The following ZFYVE16 variants were observed in gnomAD, a reference collection of about 807,000 sequenced individuals.
The protein encoded by ZFYVE16 is zinc finger FYVE domain-containing protein 16.
Under a neutral mutation model 138.1 loss-of-function variants are expected in ZFYVE16, and 89 were observed. The observed-to-expected ratio is 0.64, with a 90% CI of 0.54 to 0.77. The LOEUF is 0.77. ZFYVE16 is among the 30% of genes least tolerant of loss of function. ZFYVE16 has a pLI of 0.00. For synonymous variants in ZFYVE16, 596 were observed against 618.3 expected (o/e 0.96, Z 0.53); for missense variants, 1,793 against 1,786.7 (o/e 1.00, Z -0.06).
chr5:80,437,453 T>G lies in ZFYVE16; in HGVS notation c.768T>G (p.Phe256Leu). ...TGACTCGACAAAGTTCCAAAATGTT[T>G]CATGCCAAAGACAAGCTACAACACA... ...SALTRQSSKM[F>L]HAKDKLQHKS... The change falls in exon 4 of 19, where the codon TTT becomes TTG. Residue 256 changes from phenylalanine (F) to leucine (L), a missense_variant. Physicochemically the swap from Phe to Leu is conservative, Grantham distance 22. Transcript: ENST00000505560. 6.2e-7 allele frequency: 1 copy of G among 1,602,676 alleles called. No homozygotes were observed. The highest frequency in any genetic ancestry group is 8.5e-7 in the Non-Finnish European group (1 of 1,175,090).
chr5:80,415,589 T>C (rs1746086566), intron 1 of ZFYVE16, among the ~76,000 whole-genome samples: 1 of 152,182 alleles, frequency 6.6e-6, no homozygotes, highest in African/African-American at 2.4e-5. Flanking sequence ...GTTATTATAT[T>C]GGGGTAATGT....
intron 1 of ZFYVE16, among the ~76,000 whole-genome samples, chr5:80,423,067 G>C (rs1310248028): frequency 6.6e-6 from 1 of 152,078 alleles, no homozygotes; most frequent in East Asian, 1.9e-4. Context: ...TCCCTCTGCT[G>C]CTTTTTTCTG....
intron 10 of ZFYVE16, among the ~76,000 whole-genome samples, chr5:80,451,008 C>T (rs1047170599): frequency 2.6e-5 from 4 of 152,052 alleles, no homozygotes; most frequent in Non-Finnish European, 2.9e-5. Context: ...GGCAAGGTTT[C>T]ACCATGCTGG....
chr5:80,422,815 A>G (rs1289251746), intron 1 of ZFYVE16, among the ~76,000 whole-genome samples: 1 of 152,156 alleles, frequency 6.6e-6, no homozygotes, highest in Non-Finnish European at 1.5e-5. Flanking sequence ...GTTTGTTAAT[A>G]TGGTAGATTA....
At chr5:80,421,377 A>G (rs910367808) in intron 1 of ZFYVE16, among the ~76,000 whole-genome samples, 9 of 152,266 alleles carry the variant, frequency 5.9e-5, no homozygotes, top group African/African-American at 1.9e-4. Context: ...GCCCATGCCT[A>G]TGTCCTGAAT....
intron 1 of ZFYVE16, among the ~76,000 whole-genome samples, chr5:80,414,673 A>T (rs1745944173): frequency 6.6e-6 from 1 of 152,234 alleles, no homozygotes; most frequent in Non-Finnish European, 1.5e-5. Context: ...ATATAGGTGA[A>T]CAAAAATACA....
chr5:80,411,289 G>A (rs1294835827), intron 1 of ZFYVE16, among the ~76,000 whole-genome samples: 6 of 151,228 alleles, frequency 4.0e-5, no homozygotes, highest in Non-Finnish European at 8.8e-5. Flanking sequence ...CCAAGTATAT[G>A]CTTATAAAAA....
rs545495097 is a variant in ZFYVE16, at chr5:80,413,330, G to A, written c.-94+5177G>A. ...CTACTAAAAATACAAAATTAGCCAGGCATGGTGGCGCATGCCTGTAATCCC... is the reference window on the plus strand; with the variant it reads ...CTACTAAAAATACAAAATTAGCCAGACATGGTGGCGCATGCCTGTAATCCC... On this transcript the variant is annotated intron_variant, in intron 1 of 18. Coordinates refer to ENST00000505560, the MANE Select transcript of ZFYVE16 (RefSeq NM_001284236.3). 9.2e-5 allele frequency among the ~76,000 whole-genome samples: 14 copies of A among 152,046 alleles called. No homozygotes were observed. In the South Asian group the frequency reaches 2.5e-3, roughly 27 times the overall value.
intron 1 of ZFYVE16, among the ~76,000 whole-genome samples, chr5:80,427,047 T>TC (rs1162778400): frequency 6.6e-6 from 1 of 152,104 alleles, no homozygotes; most frequent in East Asian, 1.9e-4. Flanking sequence ...AAATGTCTTT[T>TC]TTTTTTTTTC....
chr5:80,444,895 G>A (rs1330599408), intron 6 of ZFYVE16, among the ~76,000 whole-genome samples: 1 of 151,874 alleles, frequency 6.6e-6, no homozygotes, highest in Non-Finnish European at 1.5e-5. Flanking sequence ...CAATAATACA[G>A]GCTTTAAATC....
chr5:80,480,849 G>A lies in ZFYVE16; in HGVS notation c.*3472G>A, dbSNP rs1036621502. 1.3e-5 allele frequency among the ~76,000 whole-genome samples: 2 copies of A among 152,070 alleles called. No individual in the cohort carries two copies. Among genetic ancestry groups the A allele is most frequent in the African/African-American group, 4.8e-5 (2 of 41,384 alleles). On this transcript the variant is annotated 3_prime_UTR_variant, in exon 19 of 19. Coordinates refer to ENST00000505560, the MANE Select transcript of ZFYVE16 (RefSeq NM_001284236.3). ...GTGGGAGGATCACTTGAGCCCAGGA[G>A]GTTAAGGCTCCAGTGAGCTGTGATC...
chr5:80,441,420 G>A (rs944141051), intron 5 of ZFYVE16: 2 of 985,172 alleles, frequency 2.0e-6, no homozygotes, highest in Admixed American at 6.2e-5. Context: ...CTATTTTGAT[G>A]TCTTATAGCA....
At chr5:80,419,810 T>C (rs988464671) in intron 1 of ZFYVE16, among the ~76,000 whole-genome samples, 15 of 111,344 alleles carry the variant, frequency 1.3e-4, no homozygotes, top group African/African-American at 4.2e-4. Flanking sequence ...TGGTTTTTTT[T>C]TGTTTTGTTT....
intron 5 of ZFYVE16, among the ~76,000 whole-genome samples, chr5:80,442,146 C>G (rs1750777673): frequency 6.6e-6 from 1 of 152,084 alleles, no homozygotes; most frequent in Non-Finnish European, 1.5e-5. Flanking sequence ...CTCTGTCACT[C>G]AAGTTGGAGT....
rs775803189 is a variant in ZFYVE16, at chr5:80,438,648, C to T, written c.1963C>T (p.Leu655Phe). 9 of 1,613,860 alleles carry T rather than the reference C, an allele frequency of 5.6e-6. 1 individual carries two copies. The South Asian group carries it at 8.8e-5, about 16-fold the overall frequency. The change falls in exon 4 of 19, where the codon CTT (leucine) becomes TTT (phenylalanine). Residue 655 changes from leucine (L) to phenylalanine (F), a missense_variant. Physicochemically the swap from Leu to Phe is conservative, Grantham distance 22. Transcript: ENST00000505560. ...GGARPKQLFS[L>F]PSRTRSSKDL... ...GGCCAGACCTAAGCAATTGTTTAGC[C>T]TTCCATCAAGAACAAGGAGTTCAAA...
rs996733548 is a variant in ZFYVE16 at position 80,445,481 on chromosome 5, A to G, written c.2724+76A>G. On this transcript the variant is annotated intron_variant, in intron 7 of 18. Coordinates refer to ENST00000505560, the MANE Select transcript of ZFYVE16 (RefSeq NM_001284236.3). ...AGATAATTCCTGGTGTGATTATTAG[A>G]GTGCTTTTTTTTTTTTTTAACACTT... 157 of 1,269,262 alleles carry G rather than the reference A, an allele frequency of 1.2e-4. 2 individuals carry two copies. In the Middle Eastern group the frequency reaches 1.8e-3, roughly 15 times the overall value. The allele number at this position is 1,269,262 out of a possible 1,614,324, so 78.6% of individuals were successfully genotyped here. A position where few individuals can be genotyped will look rare whatever the true frequency, so the allele number is the denominator to read the frequency against.
chr5:80,461,793 A>T (rs1232951768), intron 15 of ZFYVE16, among the ~76,000 whole-genome samples: 1 of 152,136 alleles, frequency 6.6e-6, no homozygotes, highest in African/African-American at 2.4e-5. Flanking sequence ...CAACATGGTG[A>T]AACCTCATCT....
In ZFYVE16 at chr5:80,477,504, C is replaced by T. The variant is rs116911270; in HGVS notation, c.*127C>T. ...ATTTTTGAAACACATAAGCTTTGCT[C>T]TTTAGGCAGGAATGATCTTTTCAAA... On this transcript the variant is annotated 3_prime_UTR_variant, in exon 19 of 19. Transcript: ENST00000505560. 1,265 of 822,268 alleles carry T rather than the reference C, an allele frequency of 1.5e-3. 21 individuals are homozygous for T. The East Asian group carries it at 0.031, about 20-fold the overall frequency. The allele number at this position is 822,268 out of a possible 1,614,324, so 50.9% of individuals were successfully genotyped here.
chr5:80,426,201 GGTGTGTGTGT>G (rs67789869), intron 1 of ZFYVE16, among the ~76,000 whole-genome samples: 25 of 139,682 alleles, frequency 1.8e-4, no homozygotes, highest in South Asian at 9.0e-4. Flanking sequence ...GTGTGTGTGT[GGTGTGTGTGT>G]GTGTGTGTGT....
Sources: gnomAD v4.1 joint callset for allele counts (sites outside exome capture counted in the v4.1 genomes callset) on GRCh38, gnomAD v4.1.1 for gene constraint, MANE v1.5 for transcripts, NCBI Gene and HGNC (gene_info 2026-07-23, HGNC 2026-07-21) for gene names.